The following DOCK3 variants were observed in gnomAD, a reference collection of about 807,000 sequenced individuals.
DOCK3 encodes dedicator of cytokinesis 3, also known as dedicator of cytokinesis protein 3.
A neutral mutation model predicts 265.6 loss-of-function variants in DOCK3; 60 were observed. That is an observed-to-expected ratio of 0.23 (90% confidence interval 0.18 to 0.28). DOCK3 has a LOEUF of 0.28. Ranked by LOEUF, DOCK3 falls within the 10% of genes least tolerant of loss-of-function variation. The pLI, the probability that DOCK3 is intolerant of heterozygous loss-of-function variation, is 1.00. For missense variants in DOCK3, 1,981 were observed against 2,594.3 expected, an observed-to-expected ratio of 0.76 and a Z score of 5.14; for synonymous variants, 881 against 938.0, an observed-to-expected ratio of 0.94 and a Z score of 1.11.
intron 32 of DOCK3, among the ~76,000 whole-genome samples, chr3:51,322,579 A>C (rs1177647095): frequency 6.6e-6 from 1 of 152,194 alleles, no homozygotes; most frequent in Non-Finnish European, 1.5e-5. Context: ...GAGAAATAAA[A>C]TCCTTTACAG....
At chr3:51,099,148 A>G (rs1268199094) in intron 9 of DOCK3, among the ~76,000 whole-genome samples, 1 of 152,244 alleles carries the variant, frequency 6.6e-6, no homozygotes, top group African/African-American at 2.4e-5. Flanking sequence ...AATATATTTC[A>G]TACTAGTGGT....
chr3:50,925,822 G>GTTTTTTTTTTT (rs1434953359), intron 4 of DOCK3, among the ~76,000 whole-genome samples: 2 of 123,290 alleles, frequency 1.6e-5, no homozygotes, highest in African/African-American at 7.3e-5. Context: ...GGTAAAACTA[G>GTTTTTTTTTTT]TCTTTTTTTT....
chr3:51,016,556 T>TGATATATATATTTA (rs1559944141), intron 5 of DOCK3, among the ~76,000 whole-genome samples: 1 of 3,308 alleles, frequency 3.0e-4, no homozygotes, highest in Non-Finnish European at 4.7e-4. Flanking sequence ...TTTATATATA[T>TGATATATATATTTA]CATATATTAT....
At chr3:50,741,077 A>T (rs76521693) in intron 1 of DOCK3, among the ~76,000 whole-genome samples, 1 of 151,658 alleles carries the variant, frequency 6.6e-6, no homozygotes, top group African/African-American at 2.4e-5. Flanking sequence ...CACTTAGCAT[A>T]GTGTTTTCAC....
chr3:50,899,283 G>A (rs1282676240), intron 4 of DOCK3, among the ~76,000 whole-genome samples: 1 of 152,028 alleles, frequency 6.6e-6, no homozygotes, highest in Non-Finnish European at 1.5e-5. Context: ...TTTTTTATCA[G>A]AGACTAGGAC....
At chr3:50,743,291 A>C (rs1457523269) in intron 1 of DOCK3, among the ~76,000 whole-genome samples, 4 of 152,154 alleles carry the variant, frequency 2.6e-5, no homozygotes, top group Non-Finnish European at 5.9e-5. Context: ...TCAACTGACG[A>C]GCAAAATAAC....
At chr3:51,075,263 A>G in intron 6 of DOCK3, 93 bp from the exon 7 acceptor site, 3 of 1,000,254 alleles carry the variant, frequency 3.0e-6, no homozygotes, top group African/African-American at 1.6e-5. Flanking sequence ...TCCTCTGTCC[A>G]CAAGATGTGG....
intron 32 of DOCK3, among the ~76,000 whole-genome samples, chr3:51,319,577 C>T (rs749332052): frequency 6.6e-6 from 1 of 151,878 alleles, no homozygotes; most frequent in Non-Finnish European, 1.5e-5. Flanking sequence ...ATGTAAAATG[C>T]AATAGTGGGC....
intron 2 of DOCK3, among the ~76,000 whole-genome samples, chr3:50,813,309 G>C (rs996741835): frequency 6.6e-6 from 1 of 152,162 alleles, no homozygotes; most frequent in Non-Finnish European, 1.5e-5. Context: ...TGAGGCGAGA[G>C]AGAATCACTT....
At chr3:51,146,110 A>G (rs1488744300) in intron 9 of DOCK3, among the ~76,000 whole-genome samples, 1 of 152,236 alleles carries the variant, frequency 6.6e-6, no homozygotes, top group Non-Finnish European at 1.5e-5. Context: ...CTTCTGATAT[A>G]GAAGATGTAA....
intron 2 of DOCK3, among the ~76,000 whole-genome samples, chr3:50,790,449 AG>A (rs1334983150): frequency 1.6e-5 from 2 of 126,890 alleles, no homozygotes; most frequent in African/African-American, 5.7e-5. Flanking sequence ...GTGTATTTTG[AG>A]GTTTTTGTTT....
At chr3:51,347,783 C>A (rs2085691536) in intron 38 of DOCK3, among the ~76,000 whole-genome samples, 1 of 152,120 alleles carries the variant, frequency 6.6e-6, no homozygotes, top group African/African-American at 2.4e-5. Context: ...ATGGAATGTT[C>A]TTCCATTTGT....
chr3:51,240,966 G>C (rs1180790501), intron 21 of DOCK3, among the ~76,000 whole-genome samples: 1 of 152,064 alleles, frequency 6.6e-6, no homozygotes, highest in Non-Finnish European at 1.5e-5. Context: ...ATTTGATCCT[G>C]TTATGATGTT....
At chr3:51,373,556 T>A (rs1350125317) in intron 49 of DOCK3, among the ~76,000 whole-genome samples, 10 of 152,228 alleles carry the variant, frequency 6.6e-5, no homozygotes. Context: ...GTGGAAGATC[T>A]TCTTAAGGAC....
At chr3:51,230,174 G>A (rs770180558) in intron 19 of DOCK3, among the ~76,000 whole-genome samples, 18 of 152,072 alleles carry the variant, frequency 1.2e-4, no homozygotes, top group Non-Finnish European at 2.4e-4. Context: ...GGTTTGTTAC[G>A]TAGATGCATT....
intron 5 of DOCK3, among the ~76,000 whole-genome samples, chr3:50,994,031 C>CA (rs2078197363): frequency 6.6e-6 from 1 of 151,666 alleles, no homozygotes; most frequent in East Asian, 1.9e-4. Context: ...CAGGGAACCA[C>CA]AAAAAAAGAC....
chr3:51,352,593 C>T (rs769240174), intron 40 of DOCK3, among the ~76,000 whole-genome samples: 2 of 152,242 alleles, frequency 1.3e-5, no homozygotes, highest in African/African-American at 2.4e-5. Context: ...ACCCATCAAT[C>T]GATTCCCATC....
At chr3:51,079,082 A>G (rs1206940484) in intron 7 of DOCK3, among the ~76,000 whole-genome samples, 1 of 152,140 alleles carries the variant, frequency 6.6e-6, no homozygotes, top group Non-Finnish European at 1.5e-5. Context: ...ATCCTTTTAG[A>G]TTTTGTGTTA....
intron 9 of DOCK3, among the ~76,000 whole-genome samples, chr3:51,112,864 A>G (rs2083578708): frequency 6.6e-6 from 1 of 152,180 alleles, no homozygotes; most frequent in Non-Finnish European, 1.5e-5. Context: ...AAGGTGAAGA[A>G]CTAGTGCCTG....
Sources: allele counts gnomAD v4.1 joint callset (sites outside exome capture counted in the v4.1 genomes callset), GRCh38; gene constraint gnomAD v4.1.1; transcripts MANE v1.5; gene names NCBI Gene and HGNC (gene_info 2026-07-23, HGNC 2026-07-21).